Variants in NRCAM observed in about 807,000 individuals in gnomAD.
NRCAM encodes the protein neuronal cell adhesion molecule, also known as NgCAM-related cell adhesion molecule.
In NRCAM, 83 loss-of-function variants were observed where a neutral mutation model predicts 156.5. That is an observed-to-expected ratio of 0.53 (90% CI 0.44 to 0.64). The LOEUF is 0.64. Among genes scored for constraint, NRCAM ranks in the 30% least tolerant of loss-of-function variants. The pLI is 0.00. For synonymous variants in NRCAM, 538 were observed against 563.9 expected (o/e 0.95, Z 0.65); for missense variants, 1,417 against 1,597.3 (o/e 0.89, Z 1.92).
At chr7:108,330,396 G>A (rs2099114493) in intron 2 of NRCAM, among the ~76,000 whole-genome samples, 1 of 152,124 alleles carries the variant, frequency 6.6e-6, no homozygotes, top group Admixed American at 6.6e-5. Context: ...TCTTGATTAA[G>A]CAGCTTGCCT....
chr7:108,209,623 T>C lies in NRCAM; in HGVS notation c.891-18A>G. The C allele has an allele frequency of 6.5e-7, 1 of 1,546,188 alleles. No individual in the cohort carries two copies. The highest frequency in any genetic ancestry group is 8.7e-7 in the Non-Finnish European group (1 of 1,151,506). ...GGGTAGGCCTGATAGGATAAATAAATAATGATGTTACAAAAAAGGAATCCA... is the reference window on the plus strand; with the variant it reads ...GGGTAGGCCTGATAGGATAAATAAACAATGATGTTACAAAAAAGGAATCCA... On this transcript the variant is annotated intron_variant, in intron 11 of 32. Coordinates refer to ENST00000379028, the MANE Select transcript of NRCAM (RefSeq NM_001037132.4).
chr7:108,257,714 C>T (rs899037449), intron 3 of NRCAM, among the ~76,000 whole-genome samples: 10 of 152,058 alleles, frequency 6.6e-5, no homozygotes, highest in Admixed American at 4.6e-4. Context: ...AATAAGGGTT[C>T]GTGACAATTT....
In NRCAM at chr7:108,184,573, G is replaced by A. The variant is rs766337960; in HGVS notation, c.2077C>T (p.Leu693=). Residue 693 remains leucine, a synonymous_variant, in exon 21 of 33, where the codon CTG becomes TTG. Coordinates refer to ENST00000379028, the MANE Select transcript of NRCAM (RefSeq NM_001037132.4). The part of the protein sequence containing the change: ...EYEDAMHKPG[L]WHHQTEVSGT... ...GAAACTTCAGTTTGGTGGTGCCACA[G>A]CCCTGGCTTGTGCATTGCATCTTCA... The A allele has an allele frequency of 1.6e-5, 26 of 1,613,570 alleles. No homozygotes were observed. In the Admixed American group the frequency reaches 4.2e-4, roughly 26 times the overall value.
intron 2 of NRCAM, among the ~76,000 whole-genome samples, chr7:108,381,659 A>G (rs1216119330): frequency 2.0e-5 from 3 of 150,982 alleles, no homozygotes; most frequent in Non-Finnish European, 4.4e-5. Flanking sequence ...TCCCAGGTTC[A>G]AGAGATTCTC....
At position 108,149,642 on chromosome 7, in the gene NRCAM, G is replaced by C; in HGVS notation, c.*268C>G. Reference sequence around the variant, plus strand: ...CTGTATCCTGCAGAGGAAATAACAGGATCTGTTGGTGATGTTGCATTATTT... The same window carrying C: ...CTGTATCCTGCAGAGGAAATAACAGCATCTGTTGGTGATGTTGCATTATTT... On this transcript the variant is annotated 3_prime_UTR_variant, in exon 33 of 33. Transcript: ENST00000379028. The C allele has an allele frequency of 6.5e-6, 3 of 462,542 alleles. No individual in the cohort carries two copies. The South Asian group carries it at 1.1e-4, about 17-fold the overall frequency. The allele number at this position is 462,542 out of a possible 1,614,324, so 28.7% of individuals were successfully genotyped here.
chr7:108,189,620 A>C (rs2069793203), intron 20 of NRCAM, 25 bp downstream of exon 20: 1 of 952,102 alleles, frequency 1.1e-6, no homozygotes, highest in African/African-American at 1.6e-5. Flanking sequence ...AGTTGATCGG[A>C]AATAGAGCAA....
At chr7:108,159,675 T>C (rs1005572993) in intron 31 of NRCAM, 134 bp from the exon 32 acceptor site, 1 of 646,148 alleles carries the variant, frequency 1.5e-6, no homozygotes, top group Non-Finnish European at 2.7e-6. Context: ...TAACCATATA[T>C]ATGGTGGCCA....
chr7:108,303,659 T>C (rs1340586456), intron 3 of NRCAM, among the ~76,000 whole-genome samples: 3 of 151,086 alleles, frequency 2.0e-5, no homozygotes, highest in African/African-American at 7.3e-5. Flanking sequence ...TTCAATCATA[T>C]ACCAAGGCAC....
chr7:108,376,943 T>C (rs934760494), intron 2 of NRCAM, among the ~76,000 whole-genome samples: 1 of 152,094 alleles, frequency 6.6e-6, no homozygotes, highest in Non-Finnish European at 1.5e-5. Context: ...GGCAGGCAGA[T>C]TACTTGAGCC....
At chr7:108,344,744 T>C (rs1594414075) in intron 2 of NRCAM, among the ~76,000 whole-genome samples, 1 of 152,212 alleles carries the variant, frequency 6.6e-6, no homozygotes, top group Non-Finnish European at 1.5e-5. Flanking sequence ...TGGGTATAGA[T>C]AGAAATTTTA....
At chr7:108,438,032 A>C (rs1469682553) in intron 1 of NRCAM, among the ~76,000 whole-genome samples, 1 of 79,792 alleles carries the variant, frequency 1.3e-5, no homozygotes, top group Non-Finnish European at 3.1e-5. Flanking sequence ...TATAAGAAGT[A>C]AAAAAAAAAA....
At chr7:108,323,973 T>C (rs2099034452) in intron 2 of NRCAM, among the ~76,000 whole-genome samples, 1 of 151,942 alleles carries the variant, frequency 6.6e-6, no homozygotes, top group African/African-American at 2.4e-5. Flanking sequence ...TTGCCTGTCT[T>C]AGAACAGCAA....
At chr7:108,177,245 A>T (rs2060885937) in intron 26 of NRCAM, among the ~76,000 whole-genome samples, 1 of 152,216 alleles carries the variant, frequency 6.6e-6, no homozygotes, top group African/African-American at 2.4e-5. Context: ...AAGCTAAAAA[A>T]AGTTCATGTC....
At position 108,149,643 on chromosome 7, in the gene NRCAM, A is replaced by T. The variant is rs1164370329; in HGVS notation, c.*267T>A. 1 of 465,226 alleles carries T rather than the reference A, an allele frequency of 2.1e-6. No homozygotes were observed. The highest frequency in any genetic ancestry group is 2.0e-5 in the African/African-American group (1 of 50,682). The allele number at this position is 465,226 out of a possible 1,614,324, so 28.8% of individuals were successfully genotyped here. ...TGTATCCTGCAGAGGAAATAACAGG[A>T]TCTGTTGGTGATGTTGCATTATTTT... On this transcript the variant is annotated 3_prime_UTR_variant, in exon 33 of 33. Transcript: ENST00000379028.
At position 108,220,109 on chromosome 7, in the gene NRCAM, C is replaced by CA. The variant is rs34737202; in HGVS notation, c.890+3615dup. 4.2e-3 allele frequency among the ~76,000 whole-genome samples: 576 copies of CA among 137,134 alleles called. 1 individual carries two copies. Among genetic ancestry groups the CA allele is most frequent in the Non-Finnish European group, 4.0e-3 (254 of 62,864 alleles). The allele number at this position is 137,134 out of a possible 152,430, so 90.0% of individuals were successfully genotyped here. On this transcript the variant is annotated intron_variant, in intron 11 of 32. Transcript: ENST00000379028. ...ACTCAACCCCCTTTATAATAGCTGC[C>CA]AAAAAAAAAAAAATCCTTAGGAATA...
intron 3 of NRCAM, among the ~76,000 whole-genome samples, chr7:108,245,542 G>A (rs1436277223): frequency 1.3e-5 from 2 of 152,122 alleles, no homozygotes; most frequent in African/African-American, 4.8e-5. Context: ...TTAAAAGTAG[G>A]CAGTGTGTGT....
rs2093429328 is a variant in NRCAM, at chr7:108,226,284, G to A, written c.645C>T (p.Asp215=). 1 of 1,607,440 alleles carries A rather than the reference G, an allele frequency of 6.2e-7. No homozygotes were observed. Among genetic ancestry groups the A allele is most frequent in the African/African-American group, 1.3e-5 (1 of 74,768 alleles). The change falls in exon 9 of 33, where the codon GAC becomes GAT. Residue 215 remains aspartate (D), a synonymous_variant. Transcript: ENST00000379028. ...GATTAAATCTAGCATAACAGATATA[G>A]TCTTCGCGGGTGTCCTCTGGGAGGA... is the stretch of plus-strand genomic sequence containing the variant. The part of the protein sequence containing the change: ...SNVLPEDTRE[D]YICYARFNHT...
At chr7:108,241,622 T>C (rs1307175546) in intron 3 of NRCAM, among the ~76,000 whole-genome samples, 2 of 152,022 alleles carry the variant, frequency 1.3e-5, no homozygotes, top group East Asian at 3.9e-4. Context: ...CCCCACTGCA[T>C]CCTCATAGCC....
chr7:108,337,528 A>G (rs1053359595), intron 2 of NRCAM, among the ~76,000 whole-genome samples: 1 of 152,184 alleles, frequency 6.6e-6, no homozygotes, highest in African/African-American at 2.4e-5. Flanking sequence ...CAATCGGGCT[A>G]AAGGCTTGCC....
Sources: allele counts gnomAD v4.1 joint callset (sites outside exome capture counted in the v4.1 genomes callset), GRCh38; gene constraint gnomAD v4.1.1; transcripts MANE v1.5; gene names NCBI Gene and HGNC (gene_info 2026-07-23, HGNC 2026-07-21).